MARCHF8: variants seen among roughly 807,000 people sequenced by gnomAD.
MARCHF8 encodes the protein E3 ubiquitin-protein ligase MARCHF8.
In MARCHF8, 40 loss-of-function variants were observed where a neutral mutation model predicts 51.6. That is an observed-to-expected ratio of 0.77 (90% CI 0.60 to 1.01). The LOEUF (loss-of-function observed/expected upper bound fraction) is 1.01, where lower values mean the gene tolerates loss of function less well. Ranked by LOEUF, MARCHF8 falls within the 50% of genes least tolerant of loss-of-function variation. MARCHF8 has a pLI of 0.00. For synonymous variants in MARCHF8, 263 were observed against 280.3 expected (o/e 0.94, Z 0.62); for missense variants, 685 against 708.6 (o/e 0.97, Z 0.38).
chr10:45,555,190 T>C (rs1016306988), intron 1 of MARCHF8, among the ~76,000 whole-genome samples: 1 of 151,928 alleles, frequency 6.6e-6, no homozygotes, highest in African/African-American at 2.4e-5. Flanking sequence ...GATCATGCCA[T>C]TGCACTCCAG....
intron 1 of MARCHF8, among the ~76,000 whole-genome samples, chr10:45,540,780 A>G (rs1269378521): frequency 6.6e-6 from 1 of 152,240 alleles, no homozygotes; most frequent in Non-Finnish European, 1.5e-5. Context: ...ACACTTCTCA[A>G]AAGAAGACAT....
At chr10:45,486,796 T>C (rs1258184247) in intron 3 of MARCHF8, among the ~76,000 whole-genome samples, 1 of 147,494 alleles carries the variant, frequency 6.8e-6, no homozygotes, top group Non-Finnish European at 1.5e-5. Flanking sequence ...GGTTGTATTA[T>C]TACCCTACTT....
In MARCHF8 at chr10:45,463,247, C is replaced by T; in HGVS notation, c.992G>A (p.Cys331Tyr). The T allele has an allele frequency of 6.4e-7, 1 of 1,550,842 alleles. No individual in the cohort carries two copies. Among genetic ancestry groups the T allele is most frequent in the Non-Finnish European group, 8.7e-7 (1 of 1,147,060 alleles). The change falls in exon 5 of 8, where the codon TGC becomes TAC. Residue 331 changes from cysteine to tyrosine, a missense_variant. Physicochemically the swap from Cys to Tyr is radical, Grantham distance 194. Transcript: ENST00000453424. ...LKSRVLRAPL[C>Y]STEKDSDLDC... ...CAGGTCGCTGTCCTTTTCCGTGGAG[C>T]AGAGGGGCGCCCGCAGAACCCTACT...
At chr10:45,580,212 T>C (rs551100074) in intron 1 of MARCHF8, among the ~76,000 whole-genome samples, 24 of 151,946 alleles carry the variant, frequency 1.6e-4, no homozygotes, top group South Asian at 1.5e-3. Context: ...AAACGCAATA[T>C]GCAGTCATTA....
intron 2 of MARCHF8, among the ~76,000 whole-genome samples, chr10:45,531,853 T>C (rs1235936018): frequency 6.6e-6 from 1 of 152,128 alleles, no homozygotes; most frequent in Non-Finnish European, 1.5e-5. Context: ...TAGCAAAAGA[T>C]TTTGGGTTGA....
chr10:45,560,628 TC>T (rs993453816), intron 1 of MARCHF8, among the ~76,000 whole-genome samples: 8 of 152,164 alleles, frequency 5.3e-5, no homozygotes, highest in African/African-American at 1.9e-4. Flanking sequence ...CCTAGCCCGC[TC>T]CCCTAGCTCA....
intron 3 of MARCHF8, among the ~76,000 whole-genome samples, chr10:45,465,932 C>T (rs1687233176): frequency 6.6e-6 from 1 of 152,230 alleles, no homozygotes; most frequent in African/African-American, 2.4e-5. Context: ...AAATAACCCT[C>T]CCATCACTAC....
At chr10:45,539,858 A>G (rs1353977387), upstream of MARCHF8, among the ~76,000 whole-genome samples, 1 of 152,242 alleles carries the variant, frequency 6.6e-6, no homozygotes, top group African/African-American at 2.4e-5. Context: ...GCAAAGTCTC[A>G]GGATACAAAA....
chr10:45,569,857 G>A (rs950153393), intron 1 of MARCHF8, among the ~76,000 whole-genome samples: 1 of 151,912 alleles, frequency 6.6e-6, no homozygotes, highest in Non-Finnish European at 1.5e-5. Flanking sequence ...TCAGATTGGG[G>A]AGAAGAAAAA....
chr10:45,585,142 A>C (rs34793991), intron 1 of MARCHF8, among the ~76,000 whole-genome samples: 7,459 of 152,314 alleles, frequency 0.049, 257 homozygotes, highest in Non-Finnish European at 0.066. Context: ...TAAGCCTCTA[A>C]GTTTGTGGTA....
intron 3 of MARCHF8, among the ~76,000 whole-genome samples, chr10:45,471,490 C>T (rs748782735): frequency 1.3e-4 from 20 of 152,162 alleles, no homozygotes; most frequent in African/African-American, 1.9e-4. Flanking sequence ...AGAAATAACA[C>T]GGTGAAAGGG....
chr10:45,579,672 G>C (rs1028369671), intron 1 of MARCHF8, among the ~76,000 whole-genome samples: 8 of 152,092 alleles, frequency 5.3e-5, no homozygotes, highest in Admixed American at 3.3e-4. Flanking sequence ...GCATTAATTA[G>C]AATCTTTTAG....
intron 2 of MARCHF8, among the ~76,000 whole-genome samples, chr10:45,512,339 G>A (rs548846278): frequency 8.1e-4 from 123 of 151,140 alleles, no homozygotes; most frequent in African/African-American, 2.8e-3. Flanking sequence ...CACCCCGTCC[G>A]GGAGGGAGGT....
In MARCHF8 at chr10:45,545,532, G is replaced by T. The variant is rs530616515; in HGVS notation, c.-78-12243C>A. On this transcript the variant is annotated intron_variant, in intron 1 of 6. Coordinates refer to the MARCHF8 transcript ENST00000319836. ...CAGATTGACCACATCAGACTTAGTT[G>T]AAAATTGAAATGGATTTCAAATATA... 6.1e-4 allele frequency among the ~76,000 whole-genome samples: 93 copies of T among 152,256 alleles called. No homozygotes were observed. In the South Asian group the frequency reaches 8.5e-3, roughly 14 times the overall value.
chr10:45,531,199 T>C (rs951648850), intron 2 of MARCHF8, among the ~76,000 whole-genome samples: 1 of 152,138 alleles, frequency 6.6e-6, no homozygotes, highest in African/African-American at 2.4e-5. Context: ...ACAGAAAAAG[T>C]ATCTGAAGAA....
At chr10:45,527,586 T>A (rs2043813396) in intron 2 of MARCHF8, among the ~76,000 whole-genome samples, 1 of 151,816 alleles carries the variant, frequency 6.6e-6, no homozygotes, top group African/African-American at 2.4e-5. Context: ...AAGAGACCAA[T>A]AACCAGTAAG....
chr10:45,482,757 AAAAC>A (rs200910494), intron 3 of MARCHF8, among the ~76,000 whole-genome samples: 5,413 of 152,326 alleles, frequency 0.036, 146 homozygotes, highest in Non-Finnish European at 0.053. Flanking sequence ...TCTATCTCAA[AAAAC>A]AAACAAACAA....
chr10:45,529,155 C>T (rs535655349), intron 2 of MARCHF8, among the ~76,000 whole-genome samples: 3 of 152,332 alleles, frequency 2.0e-5, no homozygotes, highest in Non-Finnish European at 4.4e-5. Flanking sequence ...ATTAAAGACA[C>T]ATGCCTACAG....
Position 45,469,964 on chromosome 10 carries a change from A to T in MARCHF8, c.154-5637T>A, listed in dbSNP as rs906322200. ...TGCCTGACTGTATTTCTACAAAGAA[A>T]ATAAAAATTATCAAAAAAAAATAAA... On this transcript the variant is annotated intron_variant, in intron 3 of 7. Coordinates refer to ENST00000453424, the MANE Select transcript of MARCHF8 (RefSeq NM_001282866.2). 1.1e-4 allele frequency among the ~76,000 whole-genome samples: 17 copies of T among 152,168 alleles called. No homozygotes were observed. In the East Asian group the frequency reaches 3.1e-3, roughly 28 times the overall value.
Sources: allele counts gnomAD v4.1 joint callset (sites outside exome capture counted in the v4.1 genomes callset), GRCh38; gene constraint gnomAD v4.1.1; transcripts MANE v1.5; gene names NCBI Gene and HGNC (gene_info 2026-07-23, HGNC 2026-07-21).